BOD1L1: variants seen among roughly 807,000 people sequenced by gnomAD.
BOD1L1 encodes biorientation of chromosomes in cell division protein 1-like 1.
A neutral mutation model predicts 240.7 loss-of-function variants in BOD1L1; 86 were observed. The ratio of observed to expected loss-of-function variants is 0.36; its 90% CI spans 0.30 to 0.43. BOD1L1 has a LOEUF of 0.43. Ranked by LOEUF, BOD1L1 falls within the 20% of genes least tolerant of loss-of-function variation. BOD1L1 has a pLI of 1.00. For synonymous variants in BOD1L1, 1,268 were observed against 1,272.3 expected (o/e 1.00, Z 0.07); for missense variants, 3,554 against 3,643.5 (o/e 0.98, Z 0.63).
intron 12 of BOD1L1, among the ~76,000 whole-genome samples, chr4:13,594,567 C>T (rs1714463540): frequency 6.6e-6 from 1 of 152,068 alleles, no homozygotes; most frequent in African/African-American, 2.4e-5. Context: ...TAAGATGTAC[C>T]CATAATTATC....
intron 2 of BOD1L1, among the ~76,000 whole-genome samples, chr4:13,618,326 C>T (rs763676682): frequency 2.6e-5 from 4 of 152,180 alleles, no homozygotes; most frequent in Non-Finnish European, 4.4e-5. Context: ...CTATGCAAAT[C>T]ACTGAATGAA....
Position 13,602,148 on chromosome 4 carries a change from A to G in BOD1L1, c.4752T>C (p.Thr1584=), listed in dbSNP as rs138298879. The change falls in exon 10 of 26, where the codon ACT becomes ACC. Residue 1584 remains threonine, a synonymous_variant. Transcript: ENST00000040738. The part of the protein sequence containing the change: ...LHVGAEASEC[T]VFAAAEEGGA... Reference sequence around the variant, plus strand: ...CACCTTCTTCAGCTGCAGCAAAAACAGTGCATTCACTGGCTTCTGCACCAA... The same window carrying G: ...CACCTTCTTCAGCTGCAGCAAAAACGGTGCATTCACTGGCTTCTGCACCAA... 1 of 1,613,908 alleles carries G rather than the reference A, an allele frequency of 6.2e-7. No homozygotes were observed. Among genetic ancestry groups the G allele is most frequent in the Non-Finnish European group, 8.5e-7 (1 of 1,179,884 alleles).
Position 13,614,317 on chromosome 4 carries a change from C to G in BOD1L1, c.1053G>C (p.Lys351Asn). Residue 351 changes from lysine to asparagine, a missense_variant, in exon 4 of 26, where the codon AAG becomes AAC. By Grantham distance (94) the Lys-to-Asn change is moderately conservative (BLOSUM62 0). Coordinates refer to ENST00000040738, the MANE Select transcript of BOD1L1 (RefSeq NM_148894.3). The stretch of plus-strand genomic sequence containing the variant: ...CTTTAACTTTCTGTGTATCTTCACT[C>G]TTTTTTGAGTGATCAAATTTCTTTT... ...KTEKKFDHSK[K>N]SEDTQKVKDE... 7.1e-6 allele frequency: 11 copies of G among 1,550,484 alleles called. No individual in the cohort carries two copies. Among genetic ancestry groups the G allele is most frequent in the Non-Finnish European group, 8.7e-6 (10 of 1,146,780 alleles).
chr4:13,587,522 T>C (rs113831797), intron 16 of BOD1L1, among the ~76,000 whole-genome samples, 177 bp downstream of exon 16: 9 of 152,166 alleles, frequency 5.9e-5, no homozygotes, highest in South Asian at 2.1e-4. Context: ...AGTTTCTAGA[T>C]TGGGGTCCAG....
In BOD1L1 at chr4:13,602,381, T is replaced by G; in HGVS notation, c.4519A>C (p.Thr1507Pro). ...QRNGQTEDVA[T>P]GPRRAEKTSV... ...GTCTTTTCTGCTCTCCTAGGCCCAGTTGCCACATCCTCAGTTTGTCCGTTC... is the reference window on the plus strand; with the variant it reads ...GTCTTTTCTGCTCTCCTAGGCCCAGGTGCCACATCCTCAGTTTGTCCGTTC... Residue 1507 changes from threonine to proline, a missense_variant, in exon 10 of 26, where the codon ACT becomes CCT. By Grantham distance (38) the Thr-to-Pro change is conservative. Coordinates refer to ENST00000040738, the MANE Select transcript of BOD1L1 (RefSeq NM_148894.3). The G allele has an allele frequency of 6.2e-7, 1 of 1,613,980 alleles. No homozygotes were observed. The highest frequency in any genetic ancestry group is 8.5e-7 in the Non-Finnish European group (1 of 1,179,874).
At chr4:13,586,901 A>G (rs1268928435) in intron 16 of BOD1L1, among the ~76,000 whole-genome samples, 1 of 152,240 alleles carries the variant, frequency 6.6e-6, no homozygotes, top group African/African-American at 2.4e-5. Flanking sequence ...AGATGACAAC[A>G]CCACCTAACT....
intron 1 of BOD1L1, chr4:13,625,067 G>C (rs1044790738): frequency 6.6e-6 from 1 of 152,294 alleles, no homozygotes; most frequent in Non-Finnish European, 1.5e-5. Context: ...ATTACTAGAA[G>C]AAGGGTTGAT....
chr4:13,601,257 C>T lies in BOD1L1; in HGVS notation c.5643G>A (p.Gly1881=), dbSNP rs1715130602. 1 of 1,613,844 alleles carries T rather than the reference C, an allele frequency of 6.2e-7. No individual in the cohort carries two copies. Among genetic ancestry groups the T allele is most frequent in the Non-Finnish European group, 8.5e-7 (1 of 1,179,892 alleles). ...VTSTGRGNEI[G]HASTCTGLGE... ...CTAACCCTGTACAAGTTGAAGCATGCCCAATTTCATTTCCTCTTCCAGTAC... is the reference window on the plus strand; with the variant it reads ...CTAACCCTGTACAAGTTGAAGCATGTCCAATTTCATTTCCTCTTCCAGTAC... Residue 1881 remains glycine, a synonymous_variant, in exon 10 of 26, where the codon GGG becomes GGA. Transcript: ENST00000040738.
At position 13,603,994 on chromosome 4, in the gene BOD1L1, C is replaced by G. The variant is rs150227802; in HGVS notation, c.2906G>C (p.Gly969Ala). 6.5e-5 allele frequency: 105 copies of G among 1,613,824 alleles called. No individual in the cohort carries two copies. The African/African-American group carries it at 1.3e-3, about 19-fold the overall frequency. ...KVEDKPFEET[G>A]VEPVLETASS... ...AGCAGTCTCTAATACAGGTTCAACA[C>G]CAGTTTCTTCAAAAGGTTTGTCTTC... is the stretch of plus-strand genomic sequence containing the variant. The change falls in exon 10 of 26, where the codon GGT becomes GCT. Residue 969 changes from glycine to alanine, a missense_variant. Transcript: ENST00000040738.
At chr4:13,627,293 C>G (rs1279652212) in intron 1 of BOD1L1, 52 bp downstream of exon 1, 1 of 1,092,936 alleles carries the variant, frequency 9.1e-7, no homozygotes, top group Non-Finnish European at 1.2e-6. Flanking sequence ...AGAAGCGCGC[C>G]CTTGGGTCCT....
In BOD1L1 at chr4:13,614,604, T is replaced by C. The variant is rs1420912050; in HGVS notation, c.766A>G (p.Met256Val). 1 of 1,613,978 alleles carries C rather than the reference T, an allele frequency of 6.2e-7. No individual in the cohort carries two copies. Among genetic ancestry groups the C allele is most frequent in the Non-Finnish European group, 8.5e-7 (1 of 1,179,878 alleles). ...GCTGTAGATTTTTCTTTATCAGCCA[T>C]GTCCTCTGAAGTTCTTTCTTTGTCA... ...STDKERTSED[M>V]ADKEKSTADS... The change falls in exon 4 of 26, where the codon ATG (methionine) becomes GTG (valine). Residue 256 changes from methionine to valine, a missense_variant. This residue lies in a region of BOD1L1 where 3,393 missense variants were observed against 3,427.1 expected (regional missense o/e 0.99). Transcript: ENST00000040738.
At chr4:13,616,710 G>T (rs1373301192) in intron 2 of BOD1L1, among the ~76,000 whole-genome samples, 1 of 152,236 alleles carries the variant, frequency 6.6e-6, no homozygotes, top group East Asian at 1.9e-4. Context: ...TGGAGTGCAG[G>T]ATGGATTAGT....
chr4:13,594,898 CAAAACAAAACAAAAT>C (rs964015046), intron 12 of BOD1L1, among the ~76,000 whole-genome samples: 11 of 151,936 alleles, frequency 7.2e-5, no homozygotes, highest in African/African-American at 2.4e-4. Context: ...CCATCTCAAA[CAAAACAAAACAAAAT>C]AAAACAAAAC....
chr4:13,570,188 G>A (rs1008385457), intron 25 of BOD1L1, 60 bp from the exon 26 acceptor site: 4 of 1,237,776 alleles, frequency 3.2e-6, no homozygotes, highest in Admixed American at 6.4e-5. Context: ...CAAATAACTT[G>A]GGAGTTCCTT....
rs1237354371 is a variant in BOD1L1 at position 13,599,281 on chromosome 4, G to A, written c.7619C>T (p.Pro2540Leu). The change falls in exon 10 of 26, where the codon CCA (proline) becomes CTA (leucine). Residue 2540 changes from proline (P) to leucine (L), a missense_variant. Pro to Leu is a moderately conservative substitution (Grantham distance 98). Coordinates refer to ENST00000040738, the MANE Select transcript of BOD1L1 (RefSeq NM_148894.3). ...NTGAIKADDM[P>L]PVQGTVAEHS... is the part of the protein sequence containing the mutation. ...CTCAGCCACGGTCCCTTGAACAGGT[G>A]GCATGTCATCAGCTTTTATAGCACC... 1 of 1,613,732 alleles carries A rather than the reference G, an allele frequency of 6.2e-7. No individual in the cohort carries two copies. Among genetic ancestry groups the A allele is most frequent in the Non-Finnish European group, 8.5e-7 (1 of 1,179,756 alleles).
intron 19 of BOD1L1, among the ~76,000 whole-genome samples, chr4:13,581,472 C>A (rs940985740): frequency 6.6e-6 from 1 of 152,112 alleles, no homozygotes; most frequent in Admixed American, 6.5e-5. Context: ...CAAAGTGTAA[C>A]CTTTTACTTC....
At chr4:13,585,843 C>T (rs1173321919) in intron 17 of BOD1L1, among the ~76,000 whole-genome samples, 2 of 152,136 alleles carry the variant, frequency 1.3e-5, no homozygotes, top group East Asian at 3.9e-4. Context: ...TGCCCTCTTG[C>T]CTGTTGTCAT....
intron 15 of BOD1L1, 44 bp downstream of exon 15, chr4:13,588,678 T>C (rs1713924454): frequency 7.2e-7 from 1 of 1,395,364 alleles, no homozygotes; most frequent in Admixed American, 2.2e-5. Context: ...ACAGTGAAAA[T>C]ATTATGTATA....
chr4:13,574,033 G>A (rs1712485398), intron 25 of BOD1L1, among the ~76,000 whole-genome samples: 1 of 152,142 alleles, frequency 6.6e-6, no homozygotes. Context: ...CAGGGATGAT[G>A]AAGGGGCTCA....
Sources: gnomAD v4.1 joint callset for allele counts (sites outside exome capture counted in the v4.1 genomes callset) on GRCh38, gnomAD v4.1.1 for gene constraint, gnomAD v4.1.1 regional missense constraint, MANE v1.5 for transcripts, NCBI Gene and HGNC (gene_info 2026-07-23, HGNC 2026-07-21) for gene names.